SHISA6: variants seen among roughly 807,000 people sequenced by gnomAD.
SHISA6 encodes shisa family member 6.
A neutral mutation model predicts 47.9 loss-of-function variants in SHISA6; 22 were observed. The observed-to-expected ratio is 0.46, with a 90% CI of 0.33 to 0.66. The LOEUF is 0.66. SHISA6 is among the 30% of genes least tolerant of loss of function. The pLI is 0.02. For synonymous variants in SHISA6, 388 were observed against 337.8 expected, an observed-to-expected ratio of 1.15 and a Z score of -1.63; for missense variants, 680 against 764.6, an observed-to-expected ratio of 0.89 and a Z score of 1.30.
chr17:11,368,147 A>C (rs1015608890), intron 2 of SHISA6, among the ~76,000 whole-genome samples: 9 of 152,206 alleles, frequency 5.9e-5, no homozygotes, highest in African/African-American at 1.4e-4. Context: ...CGGTGTGTCC[A>C]AGCAAATTCT....
intron 2 of SHISA6, among the ~76,000 whole-genome samples, chr17:11,336,915 G>A (rs1453763494): frequency 6.6e-6 from 1 of 152,200 alleles, no homozygotes; most frequent in East Asian, 1.9e-4. Flanking sequence ...CAGCACAGAG[G>A]TGGTGAGAAC....
chr17:11,536,537 A>C (rs1267410424), intron 3 of SHISA6, among the ~76,000 whole-genome samples: 1 of 152,216 alleles, frequency 6.6e-6, no homozygotes, highest in African/African-American at 2.4e-5. Context: ...GACAGATTGT[A>C]AGATGGGGTG....
rs1487529068 is a variant in SHISA6 at position 11,453,819 on chromosome 17, T to C, written c.895+74310T>C. Among the ~76,000 whole-genome samples the C allele has an allele frequency of 2.0e-5, 3 of 152,224 alleles. No homozygotes were observed. The East Asian group carries it at 5.8e-4, about 29-fold the overall frequency. On this transcript the variant is annotated intron_variant, in intron 3 of 5. Transcript: ENST00000441885. The stretch of plus-strand genomic sequence containing the variant: ...CCAGTCTCAAAAGGTTGCAAACTTA[T>C]GATTCCATTAATATGACATTCTGGA...
intron 3 of SHISA6, among the ~76,000 whole-genome samples, chr17:11,485,384 C>G (rs560352713): frequency 6.6e-6 from 1 of 152,232 alleles, no homozygotes; most frequent in South Asian, 2.1e-4. Context: ...TAACACTGGG[C>G]AAAGCTGGGA....
At chr17:11,533,226 C>CGTTA (rs1228364770) in intron 3 of SHISA6, among the ~76,000 whole-genome samples, 2 of 152,140 alleles carry the variant, frequency 1.3e-5, no homozygotes, top group Non-Finnish European at 2.9e-5. Flanking sequence ...ATTCAGCTGC[C>CGTTA]GTTACCTCCC....
At chr17:11,447,539 C>T (rs1418234290) in intron 3 of SHISA6, among the ~76,000 whole-genome samples, 1 of 152,192 alleles carries the variant, frequency 6.6e-6, no homozygotes, top group African/African-American at 2.4e-5. Context: ...AACAGCTCGC[C>T]TTACTTCAGC....
At chr17:11,307,855 A>G (rs1381789510) in intron 2 of SHISA6, among the ~76,000 whole-genome samples, 1 of 151,424 alleles carries the variant, frequency 6.6e-6, no homozygotes, top group East Asian at 1.9e-4. Context: ...ATAGGATTGG[A>G]GGACCCTTAG....
chr17:11,520,759 A>C (rs2071623038), intron 3 of SHISA6, among the ~76,000 whole-genome samples: 2 of 152,128 alleles, frequency 1.3e-5, no homozygotes, highest in Non-Finnish European at 2.9e-5. Flanking sequence ...CTCTGCATAA[A>C]TATCACTTCC....
intron 3 of SHISA6, among the ~76,000 whole-genome samples, chr17:11,425,658 G>C (rs545796761): frequency 1.1e-4 from 17 of 152,160 alleles, no homozygotes; most frequent in Non-Finnish European, 1.9e-4. Context: ...CCAGTTTTAG[G>C]CAACACTAGA....
At chr17:11,242,925 C>T (rs1396236086) in intron 1 of SHISA6, among the ~76,000 whole-genome samples, 1 of 152,074 alleles carries the variant, frequency 6.6e-6, no homozygotes, top group African/African-American at 2.4e-5. Context: ...ACCCAGCCTC[C>T]CCTTAGAACT....
intron 3 of SHISA6, among the ~76,000 whole-genome samples, chr17:11,404,117 G>A (rs1913866814): frequency 6.6e-6 from 1 of 152,220 alleles, no homozygotes; most frequent in Admixed American, 6.5e-5. Context: ...CTTTTAGGGA[G>A]ATCAAAGCCA....
At chr17:11,468,503 C>T (rs1434870136) in intron 3 of SHISA6, among the ~76,000 whole-genome samples, 3 of 152,124 alleles carry the variant, frequency 2.0e-5, no homozygotes, top group East Asian at 3.9e-4. Context: ...GGCTGGTTTT[C>T]ATCTGAACAC....
At chr17:11,394,501 A>G (rs1913498879) in intron 3 of SHISA6, among the ~76,000 whole-genome samples, 1 of 152,064 alleles carries the variant, frequency 6.6e-6, no homozygotes, top group Non-Finnish European at 1.5e-5. Context: ...AATCATATAC[A>G]TTTTTGAACA....
At chr17:11,321,880 T>C (rs868336576) in intron 2 of SHISA6, among the ~76,000 whole-genome samples, 5 of 152,188 alleles carry the variant, frequency 3.3e-5, no homozygotes, top group African/African-American at 7.2e-5. Context: ...AATTTTTTTT[T>C]CAGCTCATCA....
intron 2 of SHISA6, among the ~76,000 whole-genome samples, chr17:11,335,394 A>G (rs962269279): frequency 1.3e-5 from 2 of 152,182 alleles, no homozygotes; most frequent in Admixed American, 6.6e-5. Context: ...ACACGTGAGG[A>G]CATGACCCTG....
chr17:11,531,526 G>A (rs2071733301), intron 3 of SHISA6, among the ~76,000 whole-genome samples: 1 of 152,118 alleles, frequency 6.6e-6, no homozygotes, highest in African/African-American at 2.4e-5. Flanking sequence ...CCACAGCTGT[G>A]TGACCTGGAC....
Position 11,415,018 on chromosome 17 carries a change from G to A in SHISA6, c.895+35509G>A, listed in dbSNP as rs950059712. Reference sequence around the variant, plus strand: ...GGAGAATCGCTTGAACCTGGGAGGCGGAGGAGCTGAGATCGTGCCATTGCA... The same window carrying A: ...GGAGAATCGCTTGAACCTGGGAGGCAGAGGAGCTGAGATCGTGCCATTGCA... On this transcript the variant is annotated intron_variant, in intron 3 of 5. Transcript: ENST00000441885. Among the ~76,000 whole-genome samples the A allele has an allele frequency of 9.4e-4, 142 of 151,836 alleles. 1 individual carries two copies. Among genetic ancestry groups the A allele is most frequent in the African/African-American group, 3.2e-3 (131 of 41,408 alleles).
chr17:11,493,573 G>GCA (rs1567620567), intron 3 of SHISA6, among the ~76,000 whole-genome samples: 7 of 38,122 alleles, frequency 1.8e-4, no homozygotes, highest in South Asian at 9.0e-4. Flanking sequence ...GGATACACGC[G>GCA]TGCGCGCGCA....
chr17:11,385,908 G>A (rs1913177105), intron 3 of SHISA6, among the ~76,000 whole-genome samples: 1 of 152,044 alleles, frequency 6.6e-6, no homozygotes, highest in Admixed American at 6.5e-5. Context: ...AATCCAGTGA[G>A]CTGAAGCGTG....
Sources: gnomAD v4.1 joint callset for allele counts (sites outside exome capture counted in the v4.1 genomes callset) on GRCh38, gnomAD v4.1.1 for gene constraint, MANE v1.5 for transcripts, NCBI Gene and HGNC (gene_info 2026-07-23, HGNC 2026-07-21) for gene names.